NR6A1: variants seen among roughly 807,000 people sequenced by gnomAD.
NR6A1 encodes retinoic acid receptor-related testis-associated receptor.
Under a neutral mutation model 59.1 loss-of-function variants are expected in NR6A1, and 7 were observed. That is an observed-to-expected ratio of 0.12 (90% CI 0.07 to 0.22). The LOEUF (loss-of-function observed/expected upper bound fraction) is 0.22. Ranked by LOEUF, NR6A1 falls within the 10% of genes least tolerant of loss-of-function variation. The pLI, the probability that NR6A1 is intolerant of heterozygous loss-of-function variation, is 1.00. For synonymous variants in NR6A1, 243 were observed against 236.1 expected (o/e 1.03, Z -0.27); for missense variants, 468 against 611.6 (o/e 0.77, Z 2.48).
chr9:124,770,961 G>A (rs1841136815), intron 1 of NR6A1, 59 bp downstream of exon 1: 7 of 976,532 alleles, frequency 7.2e-6, no homozygotes, highest in Non-Finnish European at 9.3e-6. Flanking sequence ...GGGGATCCCT[G>A]GCGGAGGCTC....
rs576009442 is a variant in NR6A1 at position 124,666,434 on chromosome 9, A to G, written c.142+66874T>C. 5.0e-4 allele frequency among the ~76,000 whole-genome samples: 76 copies of G among 152,086 alleles called. 1 individual carries two copies. Among genetic ancestry groups the G allele is most frequent in the African/African-American group, 1.7e-3 (72 of 41,476 alleles). Reference sequence around the variant, plus strand: ...GCTGGGACCACAGGCATGCACCACCATGCCCACCTAATTTGTGTATTTTTT... The same window carrying G: ...GCTGGGACCACAGGCATGCACCACCGTGCCCACCTAATTTGTGTATTTTTT... On this transcript the variant is annotated intron_variant, in intron 2 of 9. Transcript: ENST00000487099.
intron 2 of NR6A1, among the ~76,000 whole-genome samples, chr9:124,710,310 T>C (rs1839239166): frequency 6.6e-6 from 1 of 152,192 alleles, no homozygotes; most frequent in Non-Finnish European, 1.5e-5. Context: ...TCACAAATAA[T>C]AATTCTGTCA....
intron 2 of NR6A1, among the ~76,000 whole-genome samples, chr9:124,608,895 T>A (rs1306703283): frequency 6.6e-6 from 1 of 152,228 alleles, no homozygotes; most frequent in Non-Finnish European, 1.5e-5. Flanking sequence ...TAATGATCAG[T>A]GATGTTGAGC....
chr9:124,580,913 T>C (rs1207933508), intron 2 of NR6A1, among the ~76,000 whole-genome samples: 1 of 152,036 alleles, frequency 6.6e-6, no homozygotes, highest in East Asian at 1.9e-4. Flanking sequence ...GTAACCAAAA[T>C]AGTATGGTAC....
intron 1 of NR6A1, chr9:124,769,983 G>A (rs181968166): frequency 6.6e-6 from 1 of 152,320 alleles, no homozygotes; most frequent in South Asian, 2.1e-4. Context: ...CACCCCGCAG[G>A]GGGAGGGAGC....
intron 7 of NR6A1, among the ~76,000 whole-genome samples, chr9:124,527,129 T>C (rs1197797461): frequency 6.6e-6 from 1 of 152,148 alleles, no homozygotes; most frequent in African/African-American, 2.4e-5. Context: ...CAAATCCAGC[T>C]CCATCACACA....
chr9:124,678,228 A>G (rs541419682), intron 2 of NR6A1, among the ~76,000 whole-genome samples: 9 of 152,312 alleles, frequency 5.9e-5, no homozygotes, highest in Admixed American at 2.0e-4. Flanking sequence ...CAACCTTCCT[A>G]AAAGAGCTAG....
At chr9:124,630,385 C>T (rs918224748) in intron 2 of NR6A1, among the ~76,000 whole-genome samples, 2 of 151,240 alleles carry the variant, frequency 1.3e-5, no homozygotes, top group Non-Finnish European at 3.0e-5. Flanking sequence ...CATGACACCA[C>T]GCCTGGCTAA....
At chr9:124,525,813 A>G (rs998370690) in intron 8 of NR6A1, among the ~76,000 whole-genome samples, 9 of 152,150 alleles carry the variant, frequency 5.9e-5, no homozygotes, top group African/African-American at 2.2e-4. Flanking sequence ...TCCTTCTTCA[A>G]GAAGTTGCTA....
At chr9:124,589,830 G>A (rs1267776834) in intron 2 of NR6A1, among the ~76,000 whole-genome samples, 1 of 151,936 alleles carries the variant, frequency 6.6e-6, no homozygotes, top group African/African-American at 2.4e-5. Context: ...ACTTTGGGAG[G>A]CCAAGGCAGG....
At chr9:124,535,825 G>A (rs773613313) in intron 7 of NR6A1, 53 bp downstream of exon 7, 82 of 1,601,878 alleles carry the variant, frequency 5.1e-5, no homozygotes, top group Non-Finnish European at 7.0e-5. Context: ...TGCCTTACAG[G>A]GATGACAATT....
chr9:124,696,950 A>G (rs1673812657), intron 2 of NR6A1, among the ~76,000 whole-genome samples: 1 of 152,156 alleles, frequency 6.6e-6, no homozygotes, highest in African/African-American at 2.4e-5. Context: ...GAGCCACCGC[A>G]CCCGGCCTGA....
At chr9:124,687,125 C>G (rs1838358797) in intron 2 of NR6A1, among the ~76,000 whole-genome samples, 2 of 148,628 alleles carry the variant, frequency 1.3e-5, no homozygotes, top group Non-Finnish European at 1.5e-5. Context: ...TTTTTCTTTC[C>G]TTTTAAGAGA....
intron 2 of NR6A1, among the ~76,000 whole-genome samples, chr9:124,623,911 T>C (rs1836156608): frequency 6.6e-6 from 1 of 152,210 alleles, no homozygotes; most frequent in African/African-American, 2.4e-5. Flanking sequence ...CTTCTACCTT[T>C]ATTAAGCCCT....
chr9:124,698,604 T>C (rs1588800757), intron 2 of NR6A1: 2 of 152,168 alleles, frequency 1.3e-5, no homozygotes, highest in East Asian at 1.9e-4. Context: ...TGGCATGGAG[T>C]AGATAATAAA....
chr9:124,587,272 C>T (rs559422299), intron 2 of NR6A1, among the ~76,000 whole-genome samples: 2 of 152,184 alleles, frequency 1.3e-5, no homozygotes, highest in Non-Finnish European at 2.9e-5. Flanking sequence ...CTTTTATATG[C>T]ACTGAGAAAC....
rs562842482 is a variant in NR6A1, at chr9:124,537,295, G to A, written c.824+797C>T. On this transcript the variant is annotated intron_variant, in intron 6 of 9. Transcript: ENST00000487099. ...AGTACACACGGGGTTTCACCATGTT[G>A]GCCAGCTCGTCTGGAACTCGTGACC... Among the ~76,000 whole-genome samples the A allele has an allele frequency of 2.0e-5, 3 of 152,222 alleles. No homozygotes were observed. The East Asian group carries it at 5.8e-4, about 29-fold the overall frequency.
In NR6A1 at chr9:124,605,613, C is replaced by A. The variant is rs1386841130; in HGVS notation, c.143-51043G>T. Among the ~76,000 whole-genome samples, 3 of 152,122 alleles carry A rather than the reference C, an allele frequency of 2.0e-5. No individual in the cohort carries two copies. In the East Asian group the frequency reaches 5.8e-4, roughly 29 times the overall value. ...CAAAAACAAAAGAACACCAAATAAA[C>A]AAACAAACCCCACACTTTTAAAGGA... is the stretch of plus-strand genomic sequence containing the variant. On this transcript the variant is annotated intron_variant, in intron 2 of 9. Coordinates refer to ENST00000487099, the MANE Select transcript of NR6A1 (RefSeq NM_033334.4).
intron 7 of NR6A1, among the ~76,000 whole-genome samples, chr9:124,532,280 C>T (rs998246861): frequency 3.3e-5 from 5 of 152,178 alleles, no homozygotes; most frequent in Non-Finnish European, 7.3e-5. Flanking sequence ...GCCTTCCTTC[C>T]TTCCTGTTCT....
Sources: gnomAD v4.1 joint callset for allele counts (sites outside exome capture counted in the v4.1 genomes callset) on GRCh38, gnomAD v4.1.1 for gene constraint, MANE v1.5 for transcripts, NCBI Gene and HGNC (gene_info 2026-07-23, HGNC 2026-07-21) for gene names.